CFAP36: variants seen among roughly 807,000 people sequenced by gnomAD.
CFAP36 encodes cilia- and flagella-associated protein 36.
CFAP36 carries 37 observed loss-of-function variants against 50.5 expected under a neutral mutation model. That is an observed-to-expected ratio of 0.73 (90% CI 0.56 to 0.96). The LOEUF (loss-of-function observed/expected upper bound fraction) is 0.96. Among genes scored for constraint, CFAP36 ranks in the 50% least tolerant of loss-of-function variants. The pLI, the probability that CFAP36 is intolerant of heterozygous loss-of-function variation, is 0.00. For synonymous variants in CFAP36, 138 were observed against 128.2 expected (o/e 1.08, Z -0.52); for missense variants, 407 against 396.2 (o/e 1.03, Z -0.23).
intron 7 of CFAP36, chr2:55,539,561 A>T (rs1157424476): frequency 4.6e-5 from 7 of 152,238 alleles, no homozygotes; most frequent in Admixed American, 4.6e-4. Context: ...TTTGACAATT[A>T]TGAATAAAGC....
intron 4 of CFAP36, among the ~76,000 whole-genome samples, chr2:55,530,223 C>G (rs1213557482): frequency 1.3e-5 from 2 of 152,122 alleles, no homozygotes; most frequent in Non-Finnish European, 2.9e-5. Flanking sequence ...TGCACAAGCT[C>G]TCTCTTTGCC....
chr2:55,522,599 T>C (rs1236930690), intron 2 of CFAP36, among the ~76,000 whole-genome samples: 2 of 152,098 alleles, frequency 1.3e-5, no homozygotes, highest in Non-Finnish European at 1.5e-5. Flanking sequence ...GATCCTCCCA[T>C]CTCAGCCACC....
At chr2:55,521,319 T>A (rs1684056476) in intron 1 of CFAP36, among the ~76,000 whole-genome samples, 1 of 151,886 alleles carries the variant, frequency 6.6e-6, no homozygotes, top group African/African-American at 2.4e-5. Context: ...TAAACACTTG[T>A]TTTGATTTTA....
intron 2 of CFAP36, among the ~76,000 whole-genome samples, chr2:55,523,484 C>G (rs562276237): frequency 1.3e-5 from 2 of 152,194 alleles, no homozygotes; most frequent in East Asian, 3.9e-4. Flanking sequence ...CCACATTGAA[C>G]TTCATAATCC....
At chr2:55,530,380 G>C (rs1684324616) in intron 4 of CFAP36, among the ~76,000 whole-genome samples, 1 of 152,194 alleles carries the variant, frequency 6.6e-6, no homozygotes, top group Admixed American at 6.5e-5. Flanking sequence ...TCAGCAGCAT[G>C]AAAATGGACT....
chr2:55,536,417 C>A (rs1171988497), intron 6 of CFAP36, among the ~76,000 whole-genome samples: 1 of 151,940 alleles, frequency 6.6e-6, no homozygotes, highest in Non-Finnish European at 1.5e-5. Flanking sequence ...AGGTGTGAGC[C>A]ACCATGCCCG....
chr2:55,537,701 T>C, intron 7 of CFAP36, 116 bp downstream of exon 7: 2 of 677,604 alleles, frequency 3.0e-6, no homozygotes, highest in Non-Finnish European at 4.9e-6. Flanking sequence ...GAGTATTGAA[T>C]GTCTTTGGTA....
intron 3 of CFAP36, among the ~76,000 whole-genome samples, chr2:55,528,659 G>A (rs1332418892): frequency 2.0e-5 from 3 of 152,112 alleles, no homozygotes; most frequent in Non-Finnish European, 4.4e-5. Context: ...GCCGCCCAAA[G>A]TATTGGGTTT....
At position 55,523,811 on chromosome 2, in the gene CFAP36, C is replaced by T. The variant is rs756970367; in HGVS notation, c.271C>T (p.His91Tyr). Residue 91 changes from histidine to tyrosine, a missense_variant, in exon 3 of 10, where the codon CAT becomes TAT. Physicochemically the swap from His to Tyr is moderately conservative, Grantham distance 83 (BLOSUM62 2). Transcript: ENST00000349456. Reference protein sequence around the residue: ...EACTSPLAKTHTSQAILQPVL... With the variant: ...EACTSPLAKTYTSQAILQPVL... ...ATGCACTTCTCCTCTTGCAAAGACCCATACATCACAGGTTTTTGCTTTGTG... is the reference window on the plus strand; with the variant it reads ...ATGCACTTCTCCTCTTGCAAAGACCTATACATCACAGGTTTTTGCTTTGTG... 5.1e-5 allele frequency: 81 copies of T among 1,600,016 alleles called. No homozygotes were observed. The highest frequency in any genetic ancestry group is 6.4e-5 in the Non-Finnish European group (75 of 1,171,626).
chr2:55,538,658 G>A, intron 7 of CFAP36: 1 of 847,884 alleles, frequency 1.2e-6, no homozygotes. Flanking sequence ...CCCAGGCTGG[G>A]TCTCAAACTC....
chr2:55,532,946 C>CTTATT (rs1480970532), intron 4 of CFAP36, among the ~76,000 whole-genome samples: 17 of 151,990 alleles, frequency 1.1e-4, no homozygotes, highest in African/African-American at 3.9e-4. Flanking sequence ...TTTTCTTGGG[C>CTTATT]TCAAGTTGCT....
chr2:55,535,390 G>A (rs1297851355), intron 5 of CFAP36, among the ~76,000 whole-genome samples: 1 of 152,192 alleles, frequency 6.6e-6, no homozygotes, highest in Non-Finnish European at 1.5e-5. Context: ...GGTGATTGAA[G>A]TCCTTATTAA....
In CFAP36 at chr2:55,537,530, T is replaced by C. The variant is rs780686785; in HGVS notation, c.585T>C (p.Ala195=). Residue 195 remains alanine (A), a synonymous_variant, in exon 7 of 10, where the codon GCT becomes GCC. Transcript: ENST00000349456. The part of the protein sequence containing the change: ...TEEPTVHSSE[A]AIMNNSQGDG... Reference sequence around the variant, plus strand: ...AGCCCACAGTGCATTCCAGTGAAGCTGCAATAATGAATAATTCCCAAGGGG... The same window carrying C: ...AGCCCACAGTGCATTCCAGTGAAGCCGCAATAATGAATAATTCCCAAGGGG... 6.2e-7 allele frequency: 1 copy of C among 1,613,922 alleles called. No homozygotes were observed. Among genetic ancestry groups the C allele is most frequent in the South Asian group, 1.1e-5 (1 of 90,998 alleles).
At chr2:55,522,636 C>T (rs903694193) in intron 2 of CFAP36, among the ~76,000 whole-genome samples, 4 of 152,162 alleles carry the variant, frequency 2.6e-5, no homozygotes, top group Admixed American at 1.3e-4. Flanking sequence ...CAGGTGTGCA[C>T]CACCATGCCC....
At chr2:55,537,614 TAATAATATG>T in intron 7 of CFAP36, 29 bp downstream of exon 7, 1 of 1,345,206 alleles carries the variant, frequency 7.4e-7, no homozygotes, top group Non-Finnish European at 1.0e-6. Context: ...GAACTTTCTC[TAATAATATG>T]AATACATAAA....
At chr2:55,526,983 G>A (rs1173910786) in intron 3 of CFAP36, among the ~76,000 whole-genome samples, 1 of 152,158 alleles carries the variant, frequency 6.6e-6, no homozygotes, top group Non-Finnish European at 1.5e-5. Flanking sequence ...AGCTATGACT[G>A]TACCACTGTA....
chr2:55,533,970 TTTAA>T lies in CFAP36; in HGVS notation c.485+13_485+16del, dbSNP rs542544169. On this transcript the variant is annotated intron_variant, in intron 5 of 9. Transcript: ENST00000349456. Reference sequence around the variant, plus strand: ...TGAGGGAAGTTCTTAGGTACCATTCTTTAATTGTTTTTTAAATGAATCATTATTA... The same window carrying T: ...TGAGGGAAGTTCTTAGGTACCATTCTTTGTTTTTTAAATGAATCATTATTA... 516 of 1,520,374 alleles carry T rather than the reference TTTAA, an allele frequency of 3.4e-4. 2 individuals carry two copies. In the African/African-American group the frequency reaches 6.1e-3, roughly 18 times the overall value. The allele number at this position is 1,520,374 out of a possible 1,614,324, so 94.2% of individuals were successfully genotyped here.
At chr2:55,529,263 T>TA (rs1200205244) in intron 4 of CFAP36, among the ~76,000 whole-genome samples, 1 of 151,738 alleles carries the variant, frequency 6.6e-6, no homozygotes, top group Non-Finnish European at 1.5e-5. Flanking sequence ...CTACTAAAAA[T>TA]ACAAAAAAAT....
chr2:55,543,996 G>T lies in CFAP36; in HGVS notation c.699G>T (p.Arg233Ser). The change falls in exon 8 of 10, where the codon AGG becomes AGT. Residue 233 changes from arginine (R) to serine (S), a missense_variant. Coordinates refer to ENST00000349456, the MANE Select transcript of CFAP36 (RefSeq NM_080667.7). ...SIEPLGRKVE[R>S]SETSSLPQKD... is the part of the protein sequence containing the mutation. ...AACCTTTGGGAAGAAAAGTGGAAAGGTCTGAAACTTCCTCCCTCCCACAAA... is the reference window on the plus strand; with the variant it reads ...AACCTTTGGGAAGAAAAGTGGAAAGTTCTGAAACTTCCTCCCTCCCACAAA... 1 of 1,613,930 alleles carries T rather than the reference G, an allele frequency of 6.2e-7. No homozygotes were observed. The highest frequency in any genetic ancestry group is 2.2e-5 in the East Asian group (1 of 44,872).
Sources: gnomAD v4.1 joint callset for allele counts (sites outside exome capture counted in the v4.1 genomes callset) on GRCh38, gnomAD v4.1.1 for gene constraint, MANE v1.5 for transcripts, NCBI Gene and HGNC (gene_info 2026-07-23, HGNC 2026-07-21) for gene names.